Variants in KIF7 observed in about 807,000 individuals in gnomAD.
The protein encoded by KIF7 is kinesin-like protein KIF7.
In KIF7, 104 loss-of-function variants were observed where a neutral mutation model predicts 135.7. That is an observed-to-expected ratio of 0.77 (90% CI 0.65 to 0.90). The LOEUF (loss-of-function observed/expected upper bound fraction) is 0.90, where lower values mean the gene tolerates loss of function less well. Ranked by LOEUF, KIF7 falls within the 40% of genes least tolerant of loss-of-function variation. The pLI is 0.00. For synonymous variants in KIF7, 883 were observed against 809.4 expected, an observed-to-expected ratio of 1.09 and a Z score of -1.54; for missense variants, 2,005 against 1,839.1, an observed-to-expected ratio of 1.09 and a Z score of -1.65.
chr15:89,660,767 A>G, the KIF7 span, among the ~76,000 whole-genome samples: 1 of 152,200 alleles, frequency 6.6e-6, no homozygotes, highest in Non-Finnish European at 1.5e-5. Flanking sequence ...ATTGATGTGG[A>G]CTTGGCTGTA....
rs1056960392 is a variant in KIF7, at chr15:89,646,092, C to G, written c.1789-66G>C. 3.8e-6 allele frequency: 6 copies of G among 1,582,310 alleles called. No homozygotes were observed. In the East Asian group the frequency reaches 8.9e-5, roughly 24 times the overall value. ...TGCGATATACCCCACCTTGCCTGCC[C>G]TCCTCATATCTCTCCCTCCTCAAGC... On this transcript the variant is annotated intron_variant, in intron 7 of 18. Transcript: ENST00000394412.
downstream of KIF7, chr15:89,625,857 G>A (rs1963513297): frequency 1.3e-6 from 2 of 1,545,376 alleles, no homozygotes; most frequent in African/African-American, 1.4e-5. Context: ...GGAGGCACTT[G>A]GGAGTTGCTT....
chr15:89,627,139 A>T, downstream of KIF7: 1 of 1,604,476 alleles, frequency 6.2e-7, no homozygotes, highest in Non-Finnish European at 8.5e-7. Context: ...GACCCTGTGG[A>T]CATAAAGAAG....
At chr15:89,650,017 G>A (rs1422760527) in intron 2 of KIF7, 76 bp from the exon 3 acceptor site, 1 of 1,407,526 alleles carries the variant, frequency 7.1e-7, no homozygotes, top group Non-Finnish European at 9.7e-7. Context: ...AAGCTCATAG[G>A]CCCCTGCCAG....
downstream of KIF7, chr15:89,625,764 A>G (rs759381790): frequency 1.9e-6 from 3 of 1,606,716 alleles, no homozygotes; most frequent in South Asian, 3.3e-5. Context: ...CCTCCACGGG[A>G]GACGAAGAGG....
chr15:89,649,082 C>T lies in KIF7; in HGVS notation c.815G>A (p.Ser272Asn), dbSNP rs866904103. 1 of 1,548,118 alleles carries T rather than the reference C, an allele frequency of 6.5e-7. No individual in the cohort carries two copies. Among genetic ancestry groups the T allele is most frequent in the Non-Finnish European group, 8.7e-7 (1 of 1,146,756 alleles). ...CAGGAGGCTGCTGTTGATCTGGATG[C>T]TCTCCTTGAGCCGCTCGCCGGTGCT... ...TGSTGERLKE[S>N]IQINSSLLAL... Residue 272 changes from serine to asparagine, a missense_variant, in exon 4 of 19, where the codon AGC becomes AAC. Coordinates refer to ENST00000394412, the MANE Select transcript of KIF7 (RefSeq NM_198525.3).
chr15:89,633,601 AAAC>A, intron 12 of KIF7, 82 bp downstream of exon 12: 1 of 1,480,754 alleles, frequency 6.8e-7, no homozygotes, highest in Admixed American at 1.9e-5. Flanking sequence ...TGTGGGTTGC[AAAC>A]CCTGCCTGGG....
At chr15:89,629,186 TGGGGGTGGGGGCTGTGGGCTGG>T (rs1221958461) in intron 17 of KIF7, 64 bp from the exon 18 acceptor site, 7 of 609,868 alleles carry the variant, frequency 1.1e-5, no homozygotes, top group East Asian at 7.3e-5. Flanking sequence ...GCCAGGGCTG[TGGGGGTGGGGGCTGTGGGCTGG>T]GTGGGGGCCG....
intron 9 of KIF7, 62 bp downstream of exon 9, chr15:89,645,274 C>A: frequency 6.2e-7 from 1 of 1,600,882 alleles, no homozygotes; most frequent in Non-Finnish European, 8.6e-7. Context: ...CCCAAGGTGG[C>A]TGGCCCAGAA....
the KIF7 span, among the ~76,000 whole-genome samples, chr15:89,660,602 C>T: frequency 6.6e-6 from 1 of 152,222 alleles, no homozygotes; most frequent in South Asian, 2.1e-4. Context: ...ACCCCTGGCA[C>T]TGCTGAGTGT....
In KIF7 at chr15:89,646,034, A is replaced by G. The variant is rs1456817855; in HGVS notation, c.1789-8T>C. 1 of 1,613,544 alleles carries G rather than the reference A, an allele frequency of 6.2e-7. No individual in the cohort carries two copies. The highest frequency in any genetic ancestry group is 8.5e-7 in the Non-Finnish European group (1 of 1,179,954). The stretch of plus-strand genomic sequence containing the variant: ...CCTGCCATTTGTCACCTGCTAGGGG[A>G]GTGAGCCATTTCCCATCCCAAGTCA... On this transcript the variant is annotated splice_region_variant and splice_polypyrimidine_tract_variant and intron_variant, in intron 7 of 18. Coordinates refer to ENST00000394412, the MANE Select transcript of KIF7 (RefSeq NM_198525.3).
chr15:89,632,594 G>C (rs1384795123), intron 14 of KIF7, among the ~76,000 whole-genome samples: 5 of 152,144 alleles, frequency 3.3e-5, no homozygotes, highest in Admixed American at 1.3e-4. Context: ...AGCTTCCTCT[G>C]TCTGGAACTT....
rs536215779 is a variant in KIF7, at chr15:89,633,417, G to A, written c.2593-151C>T. The A allele has an allele frequency of 3.6e-5, 40 of 1,100,304 alleles. No homozygotes were observed. In the South Asian group the frequency reaches 5.6e-4, roughly 15 times the overall value. The allele number at this position is 1,100,304 out of a possible 1,614,324, so 68.2% of individuals were successfully genotyped here. On this transcript the variant is annotated intron_variant, in intron 12 of 18. Transcript: ENST00000394412. ...GACCCATCCCACACAAATCTCCCTG[G>A]AGACCGGCAAATAGACGCAAACACT...
chr15:89,625,452 A>G (rs1462082168), downstream of KIF7: 1 of 1,613,950 alleles, frequency 6.2e-7, no homozygotes. Context: ...GGAGCCTGTC[A>G]CTGCTTGAGT....
chr15:89,659,860 C>G (rs1964241205), upstream of KIF7, among the ~76,000 whole-genome samples: 1 of 152,174 alleles, frequency 6.6e-6, no homozygotes, highest in Non-Finnish European at 1.5e-5. Context: ...CCCTGAGAAA[C>G]TCTTATAAGA....
chr15:89,660,667 C>G, the KIF7 span, among the ~76,000 whole-genome samples: 1 of 152,350 alleles, frequency 6.6e-6, no homozygotes, highest in Admixed American at 6.5e-5. Flanking sequence ...GAAATAAACT[C>G]CTATCACTGT....
intron 6 of KIF7, among the ~76,000 whole-genome samples, chr15:89,647,332 G>A (rs929551079): frequency 2.0e-5 from 3 of 152,078 alleles, no homozygotes; most frequent in African/African-American, 7.2e-5. Context: ...CCGGCTCCAA[G>A]GTCCCCCGCT....
intron 14 of KIF7, among the ~76,000 whole-genome samples, 190 bp from the exon 15 acceptor site, chr15:89,631,900 C>T (rs897818360): frequency 2.0e-5 from 3 of 152,178 alleles, no homozygotes; most frequent in Non-Finnish European, 4.4e-5. Context: ...GGGACCAGAG[C>T]ATTTGCAGAG....
intron 11 of KIF7, among the ~76,000 whole-genome samples, chr15:89,639,686 T>C (rs1963881160): frequency 7.0e-6 from 1 of 142,142 alleles, no homozygotes; most frequent in Non-Finnish European, 1.5e-5. Context: ...ACTTTTACAC[T>C]GTTGGTGGGA....
Sources: gnomAD v4.1 joint callset for allele counts (sites outside exome capture counted in the v4.1 genomes callset) on GRCh38, gnomAD v4.1.1 for gene constraint, MANE v1.5 for transcripts, NCBI Gene and HGNC (gene_info 2026-07-23, HGNC 2026-07-21) for gene names.